The following NEK1 variants were observed in gnomAD, a reference collection of about 807,000 sequenced individuals.
NEK1 encodes NIMA related kinase 1, also known as serine/threonine-protein kinase Nek1.
In NEK1, 137 loss-of-function variants were observed where a neutral mutation model predicts 182.1. The ratio of observed to expected loss-of-function variants is 0.75; its 90% CI spans 0.65 to 0.87. NEK1 has a LOEUF of 0.87. NEK1 is among the 40% of genes least tolerant of loss of function. The pLI is 0.00. For missense variants in NEK1, 1,391 were observed against 1,494.4 expected (o/e 0.93, Z 1.14); for synonymous variants, 513 against 492.2 (o/e 1.04, Z -0.56).
intron 35 of NEK1, among the ~76,000 whole-genome samples, chr4:169,394,829 T>C (rs1579244417): frequency 6.6e-6 from 1 of 152,198 alleles, no homozygotes; most frequent in African/African-American, 2.4e-5. Context: ...TTTTGAAACA[T>C]AGGTTTTCCA....
chr4:169,544,640 A>T (rs1760068094), intron 18 of NEK1, among the ~76,000 whole-genome samples: 1 of 88,794 alleles, frequency 1.1e-5, no homozygotes, highest in African/African-American at 4.5e-5. Context: ...GTAGGCTATT[A>T]ATTACTGCCT....
At chr4:169,601,531 G>C (rs1399054056) in intron 4 of NEK1, among the ~76,000 whole-genome samples, 5 of 152,036 alleles carry the variant, frequency 3.3e-5, no homozygotes, top group African/African-American at 1.2e-4. Flanking sequence ...GTGAGGTACA[G>C]AGGAGCATAC....
Position 169,549,065 on chromosome 4 carries a change from A to C in NEK1, c.1562+6655T>G, listed in dbSNP as rs1245825092. 3.9e-5 allele frequency among the ~76,000 whole-genome samples: 6 copies of C among 152,328 alleles called. No individual in the cohort carries two copies. In the South Asian group the frequency reaches 1.0e-3, roughly 26 times the overall value. The stretch of plus-strand genomic sequence containing the variant: ...TCGGTGTCTGCCCAAACGGCAGCCC[A>C]GTTTTGTGCTGGAAACCCAGGGCCC... On this transcript the variant is annotated intron_variant, in intron 18 of 35. Transcript: ENST00000507142.
At chr4:169,570,012 G>T (rs1269753471) in intron 12 of NEK1, among the ~76,000 whole-genome samples, 3 of 147,526 alleles carry the variant, frequency 2.0e-5, no homozygotes, top group Non-Finnish European at 4.5e-5. Flanking sequence ...GTGAGGAGCG[G>T]CTCTGCCCGG....
intron 19 of NEK1, among the ~76,000 whole-genome samples, chr4:169,516,584 T>A (rs1389630213): frequency 1.4e-5 from 1 of 71,136 alleles, no homozygotes; most frequent in Non-Finnish European, 2.6e-5. Context: ...TGCCCACGCC[T>A]ATGTCCTGAA....
intron 27 of NEK1, among the ~76,000 whole-genome samples, chr4:169,444,745 C>T (rs541088118): frequency 1.3e-5 from 2 of 152,228 alleles, no homozygotes; most frequent in Admixed American, 6.5e-5. Context: ...GCACTTTAGA[C>T]CAAATGGACG....
chr4:169,420,223 A>G (rs1255591857), intron 31 of NEK1, among the ~76,000 whole-genome samples: 1 of 152,250 alleles, frequency 6.6e-6, no homozygotes, highest in Non-Finnish European at 1.5e-5. Flanking sequence ...TTCAAGGGCA[A>G]TAACACGAAT....
intron 27 of NEK1, among the ~76,000 whole-genome samples, chr4:169,457,217 T>C (rs1393937913): frequency 1.3e-5 from 2 of 152,160 alleles, no homozygotes; most frequent in East Asian, 3.8e-4. Context: ...AATAGTAGAA[T>C]TGGACTGTTT....
chr4:169,435,432 A>G (rs1033736870), intron 28 of NEK1, among the ~76,000 whole-genome samples: 3 of 152,210 alleles, frequency 2.0e-5, no homozygotes, highest in African/African-American at 7.2e-5. Flanking sequence ...GATACTAGTA[A>G]CTATGTTCTA....
At chr4:169,467,906 G>C (rs1010258398) in intron 26 of NEK1, among the ~76,000 whole-genome samples, 1 of 151,978 alleles carries the variant, frequency 6.6e-6, no homozygotes, top group African/African-American at 2.4e-5. Flanking sequence ...CCAGTTAAAA[G>C]TTATTTTAAA....
chr4:169,408,585 C>G (rs1241637216), intron 31 of NEK1, among the ~76,000 whole-genome samples: 2 of 152,174 alleles, frequency 1.3e-5, no homozygotes, highest in Non-Finnish European at 2.9e-5. Context: ...GCAGTGTACA[C>G]TGTACCCAAC....
chr4:169,601,944 G>T, intron 4 of NEK1, 64 bp downstream of exon 4: 1 of 1,090,288 alleles, frequency 9.2e-7, no homozygotes, highest in Non-Finnish European at 1.4e-6. Context: ...TCCTAAGAAT[G>T]CATTCACAAA....
chr4:169,479,963 T>A (rs1052825828), intron 23 of NEK1, among the ~76,000 whole-genome samples: 1 of 152,110 alleles, frequency 6.6e-6, no homozygotes, highest in Non-Finnish European at 1.5e-5. Flanking sequence ...AATGCCAACA[T>A]AAATGAGAAT....
chr4:169,544,994 G>C (rs1265804310), intron 18 of NEK1, among the ~76,000 whole-genome samples: 3 of 148,594 alleles, frequency 2.0e-5, no homozygotes, highest in Non-Finnish European at 4.5e-5. Context: ...GTTCTGCTCT[G>C]ATCTTAGTTA....
chr4:169,596,454 A>G (rs1417972386), intron 5 of NEK1, among the ~76,000 whole-genome samples: 2 of 152,220 alleles, frequency 1.3e-5, no homozygotes, highest in African/African-American at 4.8e-5. Flanking sequence ...ACTTTCAAAT[A>G]AGGCAAAAAT....
At chr4:169,481,566 T>C (rs550489608) in intron 23 of NEK1, among the ~76,000 whole-genome samples, 2 of 152,324 alleles carry the variant, frequency 1.3e-5, no homozygotes, top group Non-Finnish European at 2.9e-5. Flanking sequence ...ACTAGGTGCC[T>C]TGTCAATGAG....
chr4:169,533,573 C>A (rs919389232), intron 19 of NEK1, among the ~76,000 whole-genome samples: 15 of 152,196 alleles, frequency 9.9e-5, no homozygotes, highest in African/African-American at 3.1e-4. Context: ...GAAAAGAGTT[C>A]TATGGGAAAA....
At chr4:169,399,243 T>TCA (rs973878032) in intron 35 of NEK1, among the ~76,000 whole-genome samples, 4 of 149,244 alleles carry the variant, frequency 2.7e-5, no homozygotes, top group East Asian at 2.0e-4. Flanking sequence ...AGACTCCATC[T>TCA]CACACACACA....
At chr4:169,430,328 G>T (rs1737183944) in intron 29 of NEK1, among the ~76,000 whole-genome samples, 1 of 152,102 alleles carries the variant, frequency 6.6e-6, no homozygotes, top group Non-Finnish European at 1.5e-5. Flanking sequence ...TGACAGGTGT[G>T]CACACAACCA....
Sources: gnomAD v4.1 joint callset for allele counts (sites outside exome capture counted in the v4.1 genomes callset) on GRCh38, gnomAD v4.1.1 for gene constraint, MANE v1.5 for transcripts, NCBI Gene and HGNC (gene_info 2026-07-23, HGNC 2026-07-21) for gene names.